Variants in CFAP61 observed in about 807,000 individuals in gnomAD.
The protein encoded by CFAP61 is cilia and flagella associated protein 61.
Under a neutral mutation model 135.6 loss-of-function variants are expected in CFAP61, and 107 were observed. The observed-to-expected ratio is 0.79, with a 90% CI of 0.67 to 0.93. CFAP61 has a LOEUF of 0.93. Ranked by LOEUF, CFAP61 falls within the 40% of genes least tolerant of loss-of-function variation. The pLI is 0.00. For missense variants in CFAP61, 1,507 were observed against 1,556.2 expected (o/e 0.97, Z 0.53); for synonymous variants, 575 against 578.5 (o/e 0.99, Z 0.09).
intron 1 of CFAP61, chr20:20,055,926 T>C: frequency 6.4e-7 from 1 of 1,567,538 alleles, no homozygotes; most frequent in South Asian, 1.1e-5. Context: ...GAGAGAGAAA[T>C]TGAAATCATT....
Position 20,360,472 on chromosome 20 carries a change from A to T in CFAP61, c.*62A>T. 6.7e-7 allele frequency: 1 copy of T among 1,502,060 alleles called. No individual in the cohort carries two copies. The highest frequency in any genetic ancestry group is 1.2e-5 in the South Asian group (1 of 85,744). The allele number at this position is 1,502,060 out of a possible 1,614,324, so 93.0% of individuals were successfully genotyped here. ...TTTAGTTCCTGGAAACGCGCTCTGT[A>T]GAAATAGAAAAGTTCTCTGCAGCCT... is the stretch of plus-strand genomic sequence containing the variant. On this transcript the variant is annotated 3_prime_UTR_variant, in exon 27 of 27. Transcript: ENST00000245957.
intron 8 of CFAP61, among the ~76,000 whole-genome samples, chr20:20,126,168 A>G (rs914109366): frequency 7.9e-5 from 12 of 151,606 alleles, no homozygotes; most frequent in African/African-American, 2.2e-4. Flanking sequence ...CTCCAGTTCT[A>G]TATGTTTTAA....
Position 20,187,956 on chromosome 20 carries a change from T to C in CFAP61, c.1412T>C (p.Leu471Pro), listed in dbSNP as rs764590749. ...LKSINIRFAT[L>P]LDTPGVENLV... Reference sequence around the variant, plus strand: ...TCCATTAATATAAGATTTGCCACTCTCTTGGATACTCCTGGTGTGGAAAAT... The same window carrying C: ...TCCATTAATATAAGATTTGCCACTCCCTTGGATACTCCTGGTGTGGAAAAT... Residue 471 changes from leucine (L) to proline (P), a missense_variant, in exon 14 of 27, where the codon CTC becomes CCC. Leu to Pro is a moderately conservative substitution (Grantham distance 98). Coordinates refer to ENST00000245957, the MANE Select transcript of CFAP61 (RefSeq NM_015585.4). 1.9e-6 allele frequency: 3 copies of C among 1,613,404 alleles called. No homozygotes were observed. Among genetic ancestry groups the C allele is most frequent in the Non-Finnish European group, 2.5e-6 (3 of 1,179,292 alleles).
intron 9 of CFAP61, 39 bp from the exon 10 acceptor site, chr20:20,159,331 T>G: frequency 1.3e-6 from 2 of 1,588,258 alleles, no homozygotes; most frequent in Non-Finnish European, 8.6e-7. Context: ...CCACTGTAGG[T>G]GTCGATTAAT....
intron 21 of CFAP61, among the ~76,000 whole-genome samples, chr20:20,271,590 C>T (rs1421848192): frequency 1.3e-5 from 2 of 152,174 alleles, no homozygotes; most frequent in African/African-American, 2.4e-5. Context: ...TCCACACAGT[C>T]GCCTTTTTAC....
rs1017002575 is a variant in CFAP61, at chr20:20,138,347, C to A, written c.860-4510C>A. ...ACAGCCTTTCAAGTTTATTTAGGAC[C>A]CCAGAGCACTTTTGCCTGTGGTGGC... On this transcript the variant is annotated intron_variant, in intron 8 of 26. Transcript: ENST00000245957. Among the ~76,000 whole-genome samples the A allele has an allele frequency of 3.9e-5, 6 of 152,162 alleles. No individual in the cohort carries two copies. In the East Asian group the frequency reaches 9.6e-4, roughly 24 times the overall value.
rs778496899 is a variant in CFAP61, at chr20:20,251,610, T to G, written c.2175T>G (p.Asp725Glu). The G allele has an allele frequency of 1.4e-5, 23 of 1,614,028 alleles. No homozygotes were observed. The highest frequency in any genetic ancestry group is 2.2e-5 in the South Asian group (2 of 91,088). ...CTCTTTGCAGCCACTGTTTTAATGA[T>G]AAAGATTATGCACTGATGTCACTGT... ...KFLASDHCFN[D>E]KDYALMSLCS... Residue 725 changes from aspartate (D) to glutamate (E), a missense_variant, in exon 20 of 27, where the codon GAT becomes GAG. Coordinates refer to ENST00000245957, the MANE Select transcript of CFAP61 (RefSeq NM_015585.4).
intron 26 of CFAP61, among the ~76,000 whole-genome samples, chr20:20,351,084 A>G (rs529096038): frequency 6.6e-6 from 1 of 152,234 alleles, no homozygotes; most frequent in Non-Finnish European, 1.5e-5. Flanking sequence ...TCTATTAAAC[A>G]TAGGATCAGA....
intron 15 of CFAP61, among the ~76,000 whole-genome samples, chr20:20,196,083 TAAACA>T (rs964167810): frequency 2.6e-5 from 4 of 152,114 alleles, no homozygotes; most frequent in Non-Finnish European, 4.4e-5. Context: ...TGTCTCAAAC[TAAACA>T]AAACAAAACA....
intron 13 of CFAP61, among the ~76,000 whole-genome samples, chr20:20,172,920 C>T (rs761720478): frequency 5.3e-5 from 8 of 152,244 alleles, no homozygotes; most frequent in Non-Finnish European, 1.0e-4. Flanking sequence ...CTCTGCTGAA[C>T]ATCCTCTGTG....
At chr20:20,086,631 GC>G (rs1463525602) in intron 6 of CFAP61, among the ~76,000 whole-genome samples, 1 of 152,068 alleles carries the variant, frequency 6.6e-6, no homozygotes, top group African/African-American at 2.4e-5. Context: ...TAAAAATTCT[GC>G]CCTTCACTGC....
chr20:20,222,000 C>T (rs2048437573), intron 17 of CFAP61: 1 of 152,154 alleles, frequency 6.6e-6, no homozygotes. Flanking sequence ...GCCAAGCACC[C>T]ATGCACAGGT....
At chr20:20,265,438 T>G (rs1290718544) in intron 21 of CFAP61, 1 of 779,798 alleles carries the variant, frequency 1.3e-6, no homozygotes, top group Non-Finnish European at 2.4e-6. Context: ...ATCAGTGTTA[T>G]TCTGCTGACT....
chr20:20,072,557 T>C (rs2045796375), intron 3 of CFAP61, among the ~76,000 whole-genome samples: 1 of 152,192 alleles, frequency 6.6e-6, no homozygotes, highest in Non-Finnish European at 1.5e-5. Flanking sequence ...TGATAGATGT[T>C]TATTTTATAT....
intron 20 of CFAP61, among the ~76,000 whole-genome samples, chr20:20,254,259 T>A (rs1254768089): frequency 2.0e-5 from 3 of 147,532 alleles, no homozygotes; most frequent in Non-Finnish European, 4.5e-5. Flanking sequence ...GATAAATATT[T>A]ACTGCAGGGA....
At chr20:20,289,432 T>G (rs531658902) in intron 23 of CFAP61, among the ~76,000 whole-genome samples, 1 of 152,318 alleles carries the variant, frequency 6.6e-6, no homozygotes, top group Non-Finnish European at 1.5e-5. Flanking sequence ...AGGAGATGAT[T>G]TCATGAGTAA....
intron 2 of CFAP61, among the ~76,000 whole-genome samples, chr20:20,067,312 G>GTA (rs1359446755): frequency 2.0e-5 from 3 of 152,056 alleles, no homozygotes; most frequent in Non-Finnish European, 4.4e-5. Flanking sequence ...GCCGGGCGTG[G>GTA]TAGCTCACGC....
At chr20:20,148,740 C>T (rs2052128398) in intron 9 of CFAP61, among the ~76,000 whole-genome samples, 3 of 152,150 alleles carry the variant, frequency 2.0e-5, no homozygotes, top group Admixed American at 2.0e-4. Flanking sequence ...CATCAGGAAA[C>T]AGCAACAATT....
chr20:20,337,400 A>G (rs1431127261), intron 25 of CFAP61, among the ~76,000 whole-genome samples: 6 of 54,626 alleles, frequency 1.1e-4, no homozygotes, highest in African/African-American at 3.0e-4. Context: ...ATGGATGGAT[A>G]GATGGGTGGG....
Sources: gnomAD v4.1 joint callset for allele counts (sites outside exome capture counted in the v4.1 genomes callset) on GRCh38, gnomAD v4.1.1 for gene constraint, MANE v1.5 for transcripts, NCBI Gene and HGNC (gene_info 2026-07-23, HGNC 2026-07-21) for gene names.